GALNT11: variants seen among roughly 807,000 people sequenced by gnomAD.
GALNT11 encodes the protein UDP-GalNAc:polypeptide N-acetylgalactosaminyltransferase 11.
In GALNT11, 47 loss-of-function variants were observed where a neutral mutation model predicts 72.7. The observed-to-expected ratio is 0.65, with a 90% CI of 0.51 to 0.82. The LOEUF is 0.82. Among genes scored for constraint, GALNT11 ranks in the 40% least tolerant of loss-of-function variants. The pLI, the probability that GALNT11 is intolerant of heterozygous loss-of-function variation, is 0.00. For synonymous variants in GALNT11, 270 were observed against 286.6 expected (o/e 0.94, Z 0.58); for missense variants, 677 against 778.4 (o/e 0.87, Z 1.55).
intron 1 of GALNT11, among the ~76,000 whole-genome samples, chr7:152,082,810 T>C (rs1338094408): frequency 6.6e-6 from 1 of 152,240 alleles, no homozygotes; most frequent in African/African-American, 2.4e-5. Flanking sequence ...TCAGAATATG[T>C]TGTCAAGCTT....
chr7:152,063,855 A>G (rs1434710993), intron 1 of GALNT11, among the ~76,000 whole-genome samples: 1 of 152,126 alleles, frequency 6.6e-6, no homozygotes, highest in African/African-American at 2.4e-5. Flanking sequence ...GTTCTTTTAC[A>G]TTTGCTGAGG....
chr7:152,048,283 TTA>T (rs1320742999), intron 1 of GALNT11, among the ~76,000 whole-genome samples: 1 of 151,984 alleles, frequency 6.6e-6, no homozygotes, highest in African/African-American at 2.4e-5. Flanking sequence ...TGGAGCTCCA[TTA>T]TATGTTATTT....
chr7:152,105,313 A>C lies in GALNT11; in HGVS notation c.655A>C (p.Asn219His), dbSNP rs756937156. 1 of 1,614,150 alleles carries C rather than the reference A, an allele frequency of 6.2e-7. No homozygotes were observed. Among genetic ancestry groups the C allele is most frequent in the South Asian group, 1.1e-5 (1 of 91,046 alleles). Residue 219 changes from asparagine (N) to histidine (H), a missense_variant, in exon 5 of 12, where the codon AAT becomes CAT. Physicochemically the swap from Asn to His is moderately conservative, Grantham distance 68. Coordinates refer to ENST00000430044, the MANE Select transcript of GALNT11 (RefSeq NM_022087.4). ...YLPGKIKVIR[N>H]TKREGLIRGR... is the part of the protein sequence containing the mutation. Reference sequence around the variant, plus strand: ...CCCTGGAAAAATTAAAGTCATAAGAAATACAAAGCGTGAGGGGTTGATTCG... The same window carrying C: ...CCCTGGAAAAATTAAAGTCATAAGACATACAAAGCGTGAGGGGTTGATTCG...
At chr7:152,121,402 TAACA>T in intron 11 of GALNT11, 140 bp from the exon 12 acceptor site, 1 of 886,520 alleles carries the variant, frequency 1.1e-6, no homozygotes. Flanking sequence ...GTGCTGCAGA[TAACA>T]AACAGCAGAA....
intron 1 of GALNT11, among the ~76,000 whole-genome samples, chr7:152,026,882 A>C (rs970921818): frequency 6.6e-6 from 1 of 152,234 alleles, no homozygotes; most frequent in Non-Finnish European, 1.5e-5. Flanking sequence ...CCTTGGGTAC[A>C]TGCTCTCAGG....
At chr7:152,114,998 G>A (rs1416633485) in intron 8 of GALNT11, among the ~76,000 whole-genome samples, 4 of 152,180 alleles carry the variant, frequency 2.6e-5, no homozygotes, top group African/African-American at 7.2e-5. Context: ...GAATGACAGG[G>A]ACACAGTGGT....
intron 1 of GALNT11, among the ~76,000 whole-genome samples, chr7:152,066,740 A>C (rs2084334946): frequency 6.6e-6 from 1 of 152,230 alleles, no homozygotes; most frequent in Non-Finnish European, 1.5e-5. Flanking sequence ...GGAAAGACAA[A>C]GGAATGGCTG....
At chr7:152,033,388 C>T (rs988521027) in intron 1 of GALNT11, among the ~76,000 whole-genome samples, 3 of 152,270 alleles carry the variant, frequency 2.0e-5, no homozygotes, top group South Asian at 2.1e-4. Context: ...TCTCTGATCT[C>T]GCTTTTCCTT....
intron 1 of GALNT11, among the ~76,000 whole-genome samples, chr7:152,078,481 A>G (rs955739188): frequency 2.6e-5 from 4 of 152,208 alleles, no homozygotes; most frequent in African/African-American, 7.2e-5. Context: ...GATGATAGGC[A>G]TGAGCCACTG....
chr7:152,073,772 T>C (rs1587172869), intron 1 of GALNT11, among the ~76,000 whole-genome samples: 1 of 152,164 alleles, frequency 6.6e-6, no homozygotes, highest in South Asian at 2.1e-4. Context: ...AGTGTAAGAG[T>C]TCATTTTTCT....
chr7:152,037,258 C>G (rs552648338), intron 1 of GALNT11, among the ~76,000 whole-genome samples: 1 of 152,274 alleles, frequency 6.6e-6, no homozygotes, highest in Non-Finnish European at 1.5e-5. Flanking sequence ...AGATAGGGAT[C>G]TAGTTTCATT....
At chr7:152,112,641 T>G (rs1188947552) in intron 7 of GALNT11, among the ~76,000 whole-genome samples, 1 of 152,106 alleles carries the variant, frequency 6.6e-6, no homozygotes, top group Non-Finnish European at 1.5e-5. Flanking sequence ...TAATAGATTT[T>G]ATTATTAAAA....
intron 1 of GALNT11, among the ~76,000 whole-genome samples, chr7:152,052,259 A>G (rs1487602847): frequency 6.6e-6 from 1 of 152,000 alleles, no homozygotes; most frequent in Non-Finnish European, 1.5e-5. Context: ...TTCATCCCCT[A>G]GGATATTGGA....
chr7:152,041,930 T>C (rs769591759), intron 1 of GALNT11, among the ~76,000 whole-genome samples: 3 of 152,244 alleles, frequency 2.0e-5, no homozygotes, highest in Non-Finnish European at 2.9e-5. Flanking sequence ...GGAGCTGTAA[T>C]TAAGCCAGCA....
At chr7:152,084,380 TAAAAAAAA>T (rs11447244) in intron 1 of GALNT11, among the ~76,000 whole-genome samples, 1,774 of 105,336 alleles carry the variant, frequency 0.017, 23 homozygotes, top group Middle Eastern at 0.067. Context: ...CCTGTCTCTT[TAAAAAAAA>T]AAAAAAAAAA....
chr7:152,111,717 T>C (rs1479598634), intron 7 of GALNT11, among the ~76,000 whole-genome samples: 2 of 152,118 alleles, frequency 1.3e-5, no homozygotes, highest in Non-Finnish European at 2.9e-5. Flanking sequence ...ATGTGCTAAT[T>C]TAAAGGTTTG....
intron 1 of GALNT11, among the ~76,000 whole-genome samples, chr7:152,047,721 C>G (rs1482350661): frequency 6.6e-6 from 1 of 150,452 alleles, no homozygotes; most frequent in Non-Finnish European, 1.5e-5. Flanking sequence ...CGCACACACA[C>G]AAGTATGTAT....
At chr7:152,075,071 AG>A (rs2084875686) in intron 1 of GALNT11, 1 of 152,266 alleles carries the variant, frequency 6.6e-6, no homozygotes, top group Non-Finnish European at 1.5e-5. Context: ...TAAAGCCCAC[AG>A]AAGTGTGGGT....
At chr7:152,077,064 C>G (rs1158851613) in intron 1 of GALNT11, among the ~76,000 whole-genome samples, 1 of 152,168 alleles carries the variant, frequency 6.6e-6, no homozygotes, top group Non-Finnish European at 1.5e-5. Context: ...ACACCCCAGC[C>G]TGGGTGACAG....
Sources: gnomAD v4.1 joint callset for allele counts (sites outside exome capture counted in the v4.1 genomes callset) on GRCh38, gnomAD v4.1.1 for gene constraint, MANE v1.5 for transcripts, NCBI Gene and HGNC (gene_info 2026-07-23, HGNC 2026-07-21) for gene names.